Variants in ABAT observed in about 807,000 individuals in gnomAD.
ABAT encodes the protein 4-aminobutyrate aminotransferase, also known as 4-aminobutyrate aminotransferase, mitochondrial.
ABAT carries 45 observed loss-of-function variants against 64.6 expected under a neutral mutation model. The observed-to-expected ratio is 0.70, with a 90% confidence interval of 0.55 to 0.89. The LOEUF (loss-of-function observed/expected upper bound fraction) is 0.89. ABAT is among the 40% of genes least tolerant of loss of function. ABAT has a pLI of 0.00. For missense variants in ABAT, 633 were observed against 658.4 expected (o/e 0.96, Z 0.42); for synonymous variants, 297 against 250.5 (o/e 1.19, Z -1.75).
chr16:8,700,157 C>T (rs1029472769), intron 1 of ABAT, among the ~76,000 whole-genome samples: 2 of 151,178 alleles, frequency 1.3e-5, no homozygotes, highest in Non-Finnish European at 2.9e-5. Context: ...CCTGAACGCA[C>T]ACTGTGCTGG....
At chr16:8,697,621 T>C (rs941507695) in intron 1 of ABAT, among the ~76,000 whole-genome samples, 3 of 145,748 alleles carry the variant, frequency 2.1e-5, no homozygotes, top group African/African-American at 7.5e-5. Flanking sequence ...AGGTTTTTTG[T>C]TGTTTGTTTT....
intron 9 of ABAT, among the ~76,000 whole-genome samples, chr16:8,767,557 C>T (rs367903104): frequency 6.6e-6 from 1 of 152,186 alleles, no homozygotes; most frequent in Non-Finnish European, 1.5e-5. Context: ...TGGAGGTAGG[C>T]GGGCAGTGGG....
intron 3 of ABAT, 67 bp downstream of exon 3, chr16:8,746,165 C>CA (rs951807374): frequency 3.7e-5 from 46 of 1,230,694 alleles, no homozygotes; most frequent in Admixed American, 1.4e-4. Flanking sequence ...AGCAAAAGCA[C>CA]AGCCAAGCTT....
At position 8,776,236 on chromosome 16, in the gene ABAT, A is replaced by G. The variant is rs1324186015; in HGVS notation, c.1123-108A>G. On this transcript the variant is annotated intron_variant, in intron 13 of 15. Coordinates refer to ENST00000268251, the MANE Select transcript of ABAT (RefSeq NM_020686.6). This position sits in a 1 kb window ranked among gnomAD's most constrained non-coding sequence, Gnocchi z 4.4. ...TGCCAGCCTCTGGTAGATGCCCACT[A>G]GATTAGTTTCTCTCCTCTTCAAGAG... is the stretch of plus-strand genomic sequence containing the variant. 8.8e-6 allele frequency: 13 copies of G among 1,469,300 alleles called. No individual in the cohort carries two copies. The African/African-American group carries it at 9.7e-5, about 11-fold the overall frequency. The allele number at this position is 1,469,300 out of a possible 1,614,324, so 91.0% of individuals were successfully genotyped here.
At chr16:8,778,518 T>C (rs951066999) in intron 14 of ABAT, among the ~76,000 whole-genome samples, 1 of 152,168 alleles carries the variant, frequency 6.6e-6, no homozygotes, top group Non-Finnish European at 1.5e-5. Context: ...CTCACACCTG[T>C]AATCCCAGCA....
chr16:8,691,502 C>A (rs182779671), intron 1 of ABAT, among the ~76,000 whole-genome samples: 28 of 152,110 alleles, frequency 1.8e-4, no homozygotes, highest in African/African-American at 6.5e-4. Context: ...TGCAGTGGCA[C>A]AATTTTGGCT....
chr16:8,745,881 G>T, intron 2 of ABAT, 120 bp from the exon 3 acceptor site: 2 of 902,602 alleles, frequency 2.2e-6, no homozygotes, highest in Middle Eastern at 2.3e-4. Flanking sequence ...GGGTGGTCTG[G>T]CTGGGATGAG....
intron 5 of ABAT, among the ~76,000 whole-genome samples, chr16:8,754,432 G>C (rs2142789793): frequency 6.6e-6 from 1 of 152,184 alleles, no homozygotes; most frequent in Non-Finnish European, 1.5e-5. Context: ...AAGGAAGAGG[G>C]GGTGGTCTGG....
At chr16:8,742,473 G>A (rs1567298677) in intron 2 of ABAT, among the ~76,000 whole-genome samples, 1 of 152,166 alleles carries the variant, frequency 6.6e-6, no homozygotes, top group African/African-American at 2.4e-5. Flanking sequence ...CTGGTGAAGA[G>A]CTATTTTTAT....
Position 8,779,568 on chromosome 16 carries a change from C to T in ABAT, c.1359C>T (p.Leu453=), listed in dbSNP as rs745470909. ...CCGATGATTCCATACGGAATAAGCT[C>T]ATTTTAATTGCCAGAAACAAAGGTA... ...DTPDDSIRNK[L]ILIARNKGVV... Residue 453 remains leucine (L), a synonymous_variant, in exon 15 of 16, where the codon CTC becomes CTT. Transcript: ENST00000268251. The T allele has an allele frequency of 3.1e-6, 5 of 1,614,072 alleles. No homozygotes were observed. In the East Asian group the frequency reaches 1.1e-4, roughly 36 times the overall value.
At chr16:8,683,691 G>A (rs2057386291) in intron 1 of ABAT, 1 of 152,202 alleles carries the variant, frequency 6.6e-6, no homozygotes, top group African/African-American at 2.4e-5. Flanking sequence ...TGACTTGAAA[G>A]TGATGCAAGA....
intron 1 of ABAT, among the ~76,000 whole-genome samples, chr16:8,733,518 C>T (rs1041220949): frequency 1.3e-5 from 2 of 152,036 alleles, no homozygotes; most frequent in Non-Finnish European, 2.9e-5. Context: ...CGAGATCACG[C>T]CGCTGCACTC....
intron 14 of ABAT, among the ~76,000 whole-genome samples, chr16:8,778,285 C>A (rs965620358): frequency 6.6e-6 from 1 of 152,120 alleles, no homozygotes; most frequent in African/African-American, 2.4e-5. Flanking sequence ...GGTCTGAAAT[C>A]AAGGTTTCAG....
chr16:8,775,537 T>C (rs1308558605), intron 13 of ABAT, among the ~76,000 whole-genome samples: 2 of 144,978 alleles, frequency 1.4e-5, no homozygotes, highest in Admixed American at 1.5e-4. Flanking sequence ...CCCACTACAC[T>C]GTGTACTGCC....
At chr16:8,745,024 G>C (rs1027752026) in intron 2 of ABAT, among the ~76,000 whole-genome samples, 6 of 152,090 alleles carry the variant, frequency 3.9e-5, no homozygotes, top group Non-Finnish European at 8.8e-5. Context: ...GTCTCACTCT[G>C]TTGCCCAGGC....
rs2060453963 is a variant in ABAT at position 8,782,142 on chromosome 16, T to A, written c.*712T>A. ...CCCAGGTGGCCTTACCCGTGATTCT[T>A]ACTCGGCATCCTCCATTCCCCAAAC... On this transcript the variant is annotated 3_prime_UTR_variant, in exon 16 of 16. Transcript: ENST00000268251. 1 of 153,266 alleles carries A rather than the reference T, an allele frequency of 6.5e-6. No individual in the cohort carries two copies. Among genetic ancestry groups the A allele is most frequent in the Admixed American group, 6.5e-5 (1 of 15,440 alleles). 9.5% of individuals were successfully genotyped at this position (153,266 alleles called of 1,614,324 possible). A position where few individuals can be genotyped will look rare whatever the true frequency, so the allele number is the denominator to read the frequency against.
intron 1 of ABAT, chr16:8,705,460 G>A (rs912401246): frequency 1.3e-5 from 2 of 152,120 alleles, no homozygotes; most frequent in Non-Finnish European, 2.9e-5. Flanking sequence ...CATATCAGGG[G>A]CTTTCCAGTC....
At chr16:8,765,886 A>G in intron 8 of ABAT, 1 of 330,758 alleles carries the variant, frequency 3.0e-6, no homozygotes, top group Non-Finnish European at 5.9e-6. Flanking sequence ...AGCCACCCAA[A>G]GTACTAGGAT....
intron 1 of ABAT, among the ~76,000 whole-genome samples, chr16:8,722,344 T>C (rs969184083): frequency 6.6e-6 from 1 of 152,184 alleles, no homozygotes. Flanking sequence ...GGGGTTTCAC[T>C]ATGTTAGCCA....
Sources: allele counts gnomAD v4.1 joint callset (sites outside exome capture counted in the v4.1 genomes callset), GRCh38; gene constraint gnomAD v4.1.1; non-coding constraint Gnocchi (gnomAD v3.1); transcripts MANE v1.5; gene names NCBI Gene and HGNC (gene_info 2026-07-23, HGNC 2026-07-21).